ATP11A: variants seen among roughly 807,000 people sequenced by gnomAD.
ATP11A encodes phospholipid-transporting ATPase IH.
Under a neutral mutation model 154.4 loss-of-function variants are expected in ATP11A, and 81 were observed. That is an observed-to-expected ratio of 0.52 (90% CI 0.44 to 0.63). The LOEUF is 0.63. Among genes scored for constraint, ATP11A ranks in the 30% least tolerant of loss-of-function variants. The pLI is 0.00. For missense variants in ATP11A, 1,316 were observed against 1,474.3 expected (o/e 0.89, Z 1.76); for synonymous variants, 623 against 585.9 (o/e 1.06, Z -0.91).
intron 2 of ATP11A, among the ~76,000 whole-genome samples, chr13:112,799,310 G>A (rs763445217): frequency 2.9e-4 from 44 of 152,164 alleles, no homozygotes; most frequent in Non-Finnish European, 5.1e-4. Flanking sequence ...TATGTCTCAC[G>A]CGTCCATGTG....
At chr13:112,852,869 A>G (rs568215383) in intron 18 of ATP11A, among the ~76,000 whole-genome samples, 2 of 152,190 alleles carry the variant, frequency 1.3e-5, no homozygotes, top group African/African-American at 2.4e-5. Flanking sequence ...AGTGCGAAAC[A>G]TCTCTGAGCC....
At chr13:112,806,072 C>T (rs1191140610) in intron 3 of ATP11A, 141 bp from the exon 4 acceptor site, 8 of 598,088 alleles carry the variant, frequency 1.3e-5, no homozygotes, top group Non-Finnish European at 2.1e-5. Context: ...TTGCTATCTC[C>T]CGTGGTGGGC....
At chr13:112,764,712 G>A (rs994259213) in intron 1 of ATP11A, among the ~76,000 whole-genome samples, 1 of 152,252 alleles carries the variant, frequency 6.6e-6, no homozygotes, top group Non-Finnish European at 1.5e-5. Context: ...CCCTTGATGG[G>A]CTCGTCTGCC....
intron 18 of ATP11A, among the ~76,000 whole-genome samples, chr13:112,853,464 G>A (rs891832284): frequency 6.6e-6 from 1 of 152,100 alleles, no homozygotes; most frequent in African/African-American, 2.4e-5. Flanking sequence ...CTTTCTAGAA[G>A]CATGGCACGT....
intron 2 of ATP11A, among the ~76,000 whole-genome samples, chr13:112,794,740 C>T (rs1203791606): frequency 2.0e-5 from 3 of 151,992 alleles, no homozygotes; most frequent in Admixed American, 6.6e-5. Flanking sequence ...TGGTGGCGGG[C>T]GCCTGTATTT....
chr13:112,872,591 A>G (rs1266198648), intron 26 of ATP11A, among the ~76,000 whole-genome samples: 1 of 152,262 alleles, frequency 6.6e-6, no homozygotes, highest in Admixed American at 6.5e-5. Context: ...AGCCTGGGCG[A>G]CAGAGCGAGA....
chr13:112,762,254 G>A (rs2076980668), intron 1 of ATP11A, among the ~76,000 whole-genome samples: 1 of 152,108 alleles, frequency 6.6e-6, no homozygotes, highest in Non-Finnish European at 1.5e-5. Flanking sequence ...ATCACAGCGA[G>A]GTTGGAATCT....
chr13:112,811,330 TATTATC>T (rs888264421), intron 5 of ATP11A, among the ~76,000 whole-genome samples: 16 of 150,386 alleles, frequency 1.1e-4, no homozygotes, highest in Admixed American at 4.0e-4. Flanking sequence ...AATTTAAAAT[TATTATC>T]ACCACCCCCA....
chr13:112,856,092 C>G lies in ATP11A; in HGVS notation c.2418+7C>G, dbSNP rs745988696. 3 of 1,607,806 alleles carry G rather than the reference C, an allele frequency of 1.9e-6. No homozygotes were observed. The highest frequency in any genetic ancestry group is 2.5e-6 in the Non-Finnish European group (3 of 1,177,148). Reference sequence around the variant, plus strand: ...GCCCTTGCAGAAGGCTCAGGTGCTGCCCGCCCGTCCTCGATAGCTGGTGGT... The same window carrying G: ...GCCCTTGCAGAAGGCTCAGGTGCTGGCCGCCCGTCCTCGATAGCTGGTGGT... On this transcript the variant is annotated splice_region_variant and intron_variant, in intron 20 of 29. Coordinates refer to ENST00000375645, the MANE Select transcript of ATP11A (RefSeq NM_015205.3).
rs1461850386 is a variant in ATP11A, at chr13:112,856,215, C to T, written c.2418+130C>T. 12 of 908,466 alleles carry T rather than the reference C, an allele frequency of 1.3e-5. No individual in the cohort carries two copies. The East Asian group carries it at 2.4e-4, about 18-fold the overall frequency. The allele number at this position is 908,466 out of a possible 1,614,324, so 56.3% of individuals were successfully genotyped here. A position where few individuals can be genotyped will look rare whatever the true frequency, so the allele number is the denominator to read the frequency against. ...ACCACCTGTTAAAAATAGAAGCAAC[C>T]GTGATAGAGATTTAAAACGCAGATC... On this transcript the variant is annotated intron_variant, in intron 20 of 29. Coordinates refer to ENST00000375645, the MANE Select transcript of ATP11A (RefSeq NM_015205.3).
At position 112,697,727 on chromosome 13, in the gene ATP11A, GTTT is replaced by G. The variant is rs531749066; in HGVS notation, c.39+7296_39+7298del. The stretch of plus-strand genomic sequence containing the variant: ...GGATTTGTGCCACGACGCCCGGCCA[GTTT>G]TTTTTTTTTTTTTTTTTTTTTTTAG... On this transcript the variant is annotated intron_variant, in intron 1 of 29. Transcript: ENST00000375645. This position sits in a 1 kb window ranked among gnomAD's most constrained non-coding sequence, Gnocchi z 4.0. Among the ~76,000 whole-genome samples the G allele has an allele frequency of 2.1e-4, 27 of 126,612 alleles. No homozygotes were observed. Among genetic ancestry groups the G allele is most frequent in the African/African-American group, 8.4e-4 (26 of 30,968 alleles). The allele number at this position is 126,612 out of a possible 152,430, so 83.1% of individuals were successfully genotyped here.
chr13:112,762,291 C>T (rs2076981240), intron 1 of ATP11A, among the ~76,000 whole-genome samples: 1 of 152,134 alleles, frequency 6.6e-6, no homozygotes, highest in African/African-American at 2.4e-5. Context: ...GGCATTTCTG[C>T]ATCATTCCTG....
At chr13:112,861,075 A>T (rs1295419702) in intron 24 of ATP11A, among the ~76,000 whole-genome samples, 1 of 152,202 alleles carries the variant, frequency 6.6e-6, no homozygotes, top group Admixed American at 6.5e-5. Flanking sequence ...GAGCAAAGGC[A>T]CGTCTTACAT....
intron 1 of ATP11A, among the ~76,000 whole-genome samples, chr13:112,776,437 C>A (rs1371956714): frequency 2.0e-5 from 3 of 152,184 alleles, no homozygotes; most frequent in Non-Finnish European, 4.4e-5. Flanking sequence ...TGCTGCCCCT[C>A]AAAAGGCAGG....
chr13:112,879,977 C>T (rs2080837190), intron 29 of ATP11A, among the ~76,000 whole-genome samples: 3 of 152,242 alleles, frequency 2.0e-5, no homozygotes, highest in Non-Finnish European at 2.9e-5. Context: ...GCAGCCTCAT[C>T]CTCTGTTTCC....
At chr13:112,692,113 T>C (rs947911825) in intron 1 of ATP11A, among the ~76,000 whole-genome samples, 4 of 152,186 alleles carry the variant, frequency 2.6e-5, no homozygotes, top group African/African-American at 7.2e-5. Context: ...GTAAGAGAAA[T>C]GCTTTATTGG....
intron 15 of ATP11A, 39 bp downstream of exon 15, chr13:112,834,699 C>A (rs377315305): frequency 1.3e-6 from 2 of 1,489,634 alleles, no homozygotes; most frequent in South Asian, 1.1e-5. Flanking sequence ...AAAGGACTAA[C>A]GAATAAAGAG....
chr13:112,714,173 C>G (rs541212423), intron 1 of ATP11A, among the ~76,000 whole-genome samples: 8 of 133,128 alleles, frequency 6.0e-5, no homozygotes, highest in Non-Finnish European at 1.3e-4. Flanking sequence ...CCTGGCCCCA[C>G]GTCTACTGGA....
chr13:112,796,895 T>A (rs1170272470), intron 2 of ATP11A, among the ~76,000 whole-genome samples: 1 of 151,942 alleles, frequency 6.6e-6, no homozygotes, highest in Non-Finnish European at 1.5e-5. Flanking sequence ...GACATGTCCA[T>A]AGAAACTTTC....
Sources: allele counts gnomAD v4.1 joint callset (sites outside exome capture counted in the v4.1 genomes callset), GRCh38; gene constraint gnomAD v4.1.1; non-coding constraint Gnocchi (gnomAD v3.1); transcripts MANE v1.5; gene names NCBI Gene and HGNC (gene_info 2026-07-23, HGNC 2026-07-21).